Variants in ADAD2 observed in about 807,000 individuals in gnomAD.
The protein encoded by ADAD2 is adenosine deaminase domain-containing protein 2.
ADAD2 carries 60 observed loss-of-function variants against 54.5 expected under a neutral mutation model. The observed-to-expected ratio is 1.10, with a 90% CI of 0.89 to 1.36. The LOEUF is 1.36. ADAD2 is among the 40% of genes most tolerant of loss of function. The pLI is 0.00. For missense variants in ADAD2, 1,103 were observed against 801.3 expected (o/e 1.38, Z -4.54); for synonymous variants, 543 against 366.2 (o/e 1.48, Z -5.51).
In ADAD2 at chr16:84,191,444, G is replaced by A; in HGVS notation, c.214G>A (p.Gly72Arg). ...GTTGAGGGACAGTGGGCCTGGGGCA[G>A]GGGCCGGAGTCGGGGAACTGGGGGC... is the stretch of plus-strand genomic sequence containing the variant. ...SVLRDSGPGA[G>R]AGVGELGAAR... is the part of the protein sequence containing the mutation. The change falls in exon 1 of 10, where the codon GGG (glycine) becomes AGG (arginine). Residue 72 changes from glycine (G) to arginine (R), a missense_variant. Physicochemically the swap from Gly to Arg is moderately radical, Grantham distance 125 (BLOSUM62 -2). Coordinates refer to ENST00000315906, the MANE Select transcript of ADAD2 (RefSeq NM_001145400.2). 3 of 1,517,160 alleles carry A rather than the reference G, an allele frequency of 2.0e-6. No homozygotes were observed. The highest frequency in any genetic ancestry group is 1.8e-6 in the Non-Finnish European group (2 of 1,135,334). 94.0% of individuals were successfully genotyped at this position (1,517,160 alleles called of 1,614,324 possible).
rs200808724 is a variant in ADAD2 at position 84,191,284 on chromosome 16, C to G, written c.54C>G (p.Arg18=). 1.2e-4 allele frequency: 197 copies of G among 1,604,628 alleles called. 1 individual carries two copies. The African/African-American group carries it at 2.3e-3, about 19-fold the overall frequency. The change falls in exon 1 of 10, where the codon CGC becomes CGG. Residue 18 remains arginine, a synonymous_variant. Coordinates refer to ENST00000315906, the MANE Select transcript of ADAD2 (RefSeq NM_001145400.2). Reference sequence around the variant, plus strand: ...ACGACGGCAGTCGTAGGAAGCCCCGCCTGGCTGCATCGTTGCAGATCAGCC... The same window carrying G: ...ACGACGGCAGTCGTAGGAAGCCCCGGCTGGCTGCATCGTTGCAGATCAGCC... The part of the protein sequence containing the change: ...ADDDGSRRKP[R]LAASLQISPQ...
intron 1 of ADAD2, 104 bp downstream of exon 1, chr16:84,191,752 C>T (rs780888870): frequency 3.3e-6 from 5 of 1,498,740 alleles, no homozygotes; most frequent in Non-Finnish European, 4.5e-6. Context: ...ACCTTGGTCC[C>T]TATGCTCAGA....
intron 1 of ADAD2, chr16:84,194,081 G>T (rs1567612158): frequency 4.3e-6 from 7 of 1,613,878 alleles, no homozygotes; most frequent in Non-Finnish European, 5.9e-6. Context: ...GAAGTGCTCA[G>T]AGCCTTCCTC....
In ADAD2 at chr16:84,196,994, GAGGTCCCGGAGC is replaced by G; in HGVS notation, c.*21_*32del. The G allele has an allele frequency of 6.4e-7, 1 of 1,568,314 alleles. No homozygotes were observed. The highest frequency in any genetic ancestry group is 8.6e-7 in the Non-Finnish European group (1 of 1,157,214). ...AACTGAAGCCAGCCTCGGCGGGACCGAGGTCCCGGAGCCAAGCTGTACCCCTGCTGGGGGAGT... is the reference window on the plus strand; with the variant it reads ...AACTGAAGCCAGCCTCGGCGGGACCGCAAGCTGTACCCCTGCTGGGGGAGT... On this transcript the variant is annotated 3_prime_UTR_variant, in exon 10 of 10. Transcript: ENST00000315906.
chr16:84,191,350 A>G lies in ADAD2; in HGVS notation c.120A>G (p.Gln40=), dbSNP rs368513572. The change falls in exon 1 of 10, where the codon CAA becomes CAG. Residue 40 remains glutamine, a synonymous_variant. Transcript: ENST00000315906. ...GGCGACCGCTACCCGCCCAGGCCCAAAGTGCCTGGGGGCCCGCGCCCGCGC... is the reference window on the plus strand; with the variant it reads ...GGCGACCGCTACCCGCCCAGGCCCAGAGTGCCTGGGGGCCCGCGCCCGCGC... ...RPWRPLPAQA[Q]SAWGPAPAPA... The G allele has an allele frequency of 6.1e-5, 95 of 1,567,278 alleles. No homozygotes were observed. The highest frequency in any genetic ancestry group is 2.1e-4 in the Admixed American group (11 of 52,432).
chr16:84,195,317 A>G lies in ADAD2; in HGVS notation c.755A>G (p.His252Arg). Reference sequence around the variant, plus strand: ...ACAGAGATCCCGCGTGCCAGGGGCCACGTGAAGGAGATCTACAAGCTGGTG... The same window carrying G: ...ACAGAGATCCCGCGTGCCAGGGGCCGCGTGAAGGAGATCTACAAGCTGGTG... ...LEREIPRARG[H>R]VKEIYKLVAL... Residue 252 changes from histidine (H) to arginine (R), a missense_variant, in exon 5 of 10, where the codon CAC (histidine) becomes CGC (arginine). Coordinates refer to ENST00000315906, the MANE Select transcript of ADAD2 (RefSeq NM_001145400.2). The G allele has an allele frequency of 6.2e-7, 1 of 1,611,040 alleles. No homozygotes were observed. Among genetic ancestry groups the G allele is most frequent in the Non-Finnish European group, 8.5e-7 (1 of 1,179,774 alleles).
chr16:84,196,603 A>C (rs912789292), intron 8 of ADAD2, 44 bp from the exon 9 acceptor site: 15 of 1,601,120 alleles, frequency 9.4e-6, no homozygotes, highest in Non-Finnish European at 1.2e-5. Context: ...CTGCTGGTCC[A>C]GCTTGTATCT....
chr16:84,195,281 C>T lies in ADAD2; in HGVS notation c.734-15C>T. 1 of 1,612,028 alleles carries T rather than the reference C, an allele frequency of 6.2e-7. No homozygotes were observed. The stretch of plus-strand genomic sequence containing the variant: ...CTTGCCTTAGGCTGGGCCGTCTCTG[C>T]CCCCTCCTGCACAGAGATCCCGCGT... On this transcript the variant is annotated splice_polypyrimidine_tract_variant and intron_variant, in intron 4 of 9. Transcript: ENST00000315906.
At position 84,196,209 on chromosome 16, in the gene ADAD2, G is replaced by C. The variant is rs1338917663; in HGVS notation, c.1365G>C (p.Leu455=). 1 of 1,610,370 alleles carries C rather than the reference G, an allele frequency of 6.2e-7. No individual in the cohort carries two copies. The highest frequency in any genetic ancestry group is 8.5e-7 in the Non-Finnish European group (1 of 1,179,898). ...TGGACAGTGTCCTGGGGCCATGCCTGCCACCTCCCTACGTCCGGACCGCCC... is the reference window on the plus strand; with the variant it reads ...TGGACAGTGTCCTGGGGCCATGCCTCCCACCTCCCTACGTCCGGACCGCCC... The part of the protein sequence containing the change: ...PCLDSVLGPC[L]PPPYVRTALH... Residue 455 remains leucine (L), a synonymous_variant, in exon 8 of 10, where the codon CTG becomes CTC. Transcript: ENST00000315906.
intron 1 of ADAD2, 130 bp from the exon 2 acceptor site, chr16:84,194,312 G>A (rs993377739): frequency 1.9e-6 from 3 of 1,545,738 alleles, no homozygotes; most frequent in Non-Finnish European, 2.6e-6. Flanking sequence ...GCCTGCTGGA[G>A]GAAGGGAAGG....
intron 1 of ADAD2, 120 bp from the exon 2 acceptor site, chr16:84,194,322 G>A (rs562192187): frequency 6.5e-7 from 1 of 1,543,372 alleles, no homozygotes; most frequent in African/African-American, 1.4e-5. Flanking sequence ...GGAAGGGAAG[G>A]GTGGTGAGGG....
chr16:84,191,581 G>A lies in ADAD2; in HGVS notation c.351G>A (p.Val117=). ...PLKDPPASQA[V]SLLTEYAASL... is the part of the protein sequence containing the mutation. ...AAGACCCACCTGCCAGCCAGGCCGT[G>A]TCCTTGCTCACGGAGTACGCGGCCA... is the stretch of plus-strand genomic sequence containing the variant. The change falls in exon 1 of 10, where the codon GTG becomes GTA. Residue 117 remains valine (V), a synonymous_variant. Coordinates refer to ENST00000315906, the MANE Select transcript of ADAD2 (RefSeq NM_001145400.2). The A allele has an allele frequency of 6.5e-7, 1 of 1,549,982 alleles. No individual in the cohort carries two copies. Among genetic ancestry groups the A allele is most frequent in the South Asian group, 1.2e-5 (1 of 84,108 alleles).
At chr16:84,194,251 C>G (rs777556555) in intron 1 of ADAD2, 191 bp from the exon 2 acceptor site, 1 of 1,553,842 alleles carries the variant, frequency 6.4e-7, no homozygotes, top group South Asian at 1.2e-5. Context: ...AGCGATGGGT[C>G]ACAGCCTGCA....
In ADAD2 at chr16:84,194,244, G is replaced by C; in HGVS notation, c.419-198G>C. On this transcript the variant is annotated intron_variant, in intron 1 of 9. Transcript: ENST00000315906. ...TGGGTGAGGACTTGGTTGAATCAGC[G>C]ATGGGTCACAGCCTGCAGAGGCACT... is the stretch of plus-strand genomic sequence containing the variant. The C allele has an allele frequency of 2.6e-6, 4 of 1,554,794 alleles. No individual in the cohort carries two copies. In the South Asian group the frequency reaches 4.7e-5, roughly 18 times the overall value.
chr16:84,191,783 T>C (rs1020406419), intron 1 of ADAD2, 135 bp downstream of exon 1: 3 of 1,350,184 alleles, frequency 2.2e-6, no homozygotes, highest in Middle Eastern at 1.9e-4. Context: ...GAGCAGGACC[T>C]GGCCTGAGCT....
At chr16:84,196,406 G>C in intron 8 of ADAD2, 36 bp downstream of exon 8, 1 of 1,591,418 alleles carries the variant, frequency 6.3e-7, no homozygotes, top group Non-Finnish European at 8.5e-7. Context: ...CTGTGGAGCA[G>C]TGCTGGTGAT....
chr16:84,191,403 G>A lies in ADAD2; in HGVS notation c.173G>A (p.Trp58Ter), dbSNP rs2089650657. The A allele has an allele frequency of 2.0e-6, 3 of 1,495,726 alleles. No individual in the cohort carries two copies. The highest frequency in any genetic ancestry group is 2.7e-6 in the Non-Finnish European group (3 of 1,126,438). 92.7% of individuals were successfully genotyped at this position (1,495,726 alleles called of 1,614,324 possible). Residue 58 changes from tryptophan (W) to a stop codon, truncating the protein, a stop_gained, in exon 1 of 10, where the codon TGG (tryptophan) becomes TAG (stop). Transcript: ENST00000315906. LOFTEE classifies it high-confidence loss of function. ...APATYRAEGG[W>*]PQVSVLRDSG... ...GCGACGTATCGCGCGGAGGGCGGGT[G>A]GCCCCAGGTCTCGGTGTTGAGGGAC...
Position 84,195,917 on chromosome 16 carries a change from G to A in ADAD2, c.1155G>A (p.Ser385=), listed in dbSNP as rs147772285. The change falls in exon 7 of 10, where the codon TCG becomes TCA. Residue 385 remains serine, a synonymous_variant. Transcript: ENST00000315906. ...AGCCTGTGTGCTACGTGGCGCCCTC[G>A]CTCTGTGACACCCACGTGGGCTGCC... ...QLKPVCYVAP[S]LCDTHVGCLS... 1.4e-3 allele frequency: 2,202 copies of A among 1,600,284 alleles called. 7 individuals carry two copies. The highest frequency in any genetic ancestry group is 1.6e-3 in the Non-Finnish European group (1,908 of 1,179,606).
Position 84,191,614 on chromosome 16 carries a change from C to G in ADAD2, c.384C>G (p.Gly128=). Residue 128 remains glycine, a synonymous_variant, in exon 1 of 10, where the codon GGC becomes GGG. Transcript: ENST00000315906. ...SLLTEYAASL[G]IFLLFREDQP... ...TCACGGAGTACGCGGCCAGCCTGGGCATCTTCCTGCTCTTCCGGGAGGACC... is the reference window on the plus strand; with the variant it reads ...TCACGGAGTACGCGGCCAGCCTGGGGATCTTCCTGCTCTTCCGGGAGGACC... 6.4e-7 allele frequency: 1 copy of G among 1,554,250 alleles called. No homozygotes were observed. Among genetic ancestry groups the G allele is most frequent in the Non-Finnish European group, 8.7e-7 (1 of 1,149,218 alleles).
Sources: gnomAD v4.1 joint callset for allele counts on GRCh38, gnomAD v4.1.1 for gene constraint, MANE v1.5 for transcripts, NCBI Gene and HGNC (gene_info 2026-07-23, HGNC 2026-07-21) for gene names.